Variants in WIPF3 observed in about 807,000 individuals in gnomAD.
WIPF3 encodes WAS/WASL interacting protein family member 3.
In WIPF3, 33 loss-of-function variants were observed where a neutral mutation model predicts 38.9. The ratio of observed to expected loss-of-function variants is 0.85; its 90% CI spans 0.64 to 1.14. The LOEUF is 1.14. Ranked by LOEUF, WIPF3 falls within the 50% of genes most tolerant of loss-of-function variation. WIPF3 has a pLI of 0.00. For synonymous variants in WIPF3, 324 were observed against 269.3 expected (o/e 1.20, Z -1.99); for missense variants, 711 against 652.5 (o/e 1.09, Z -0.98).
intron 2 of WIPF3, among the ~76,000 whole-genome samples, chr7:29,872,083 T>C (rs1785505930): frequency 6.6e-6 from 1 of 152,230 alleles, no homozygotes; most frequent in Non-Finnish European, 1.5e-5. Context: ...CTGTGTGTTT[T>C]TAGTTTTTGG....
chr7:29,882,821 T>C (rs904966336), intron 4 of WIPF3, among the ~76,000 whole-genome samples: 2 of 152,204 alleles, frequency 1.3e-5, no homozygotes, highest in African/African-American at 4.8e-5. Context: ...TTATAAAATA[T>C]AGGGGAAAAC....
intron 1 of WIPF3, among the ~76,000 whole-genome samples, chr7:29,827,026 G>A (rs1252383863): frequency 6.6e-6 from 1 of 152,136 alleles, no homozygotes; most frequent in Non-Finnish European, 1.5e-5. Flanking sequence ...TTAAAAAAGG[G>A]CTAATATATG....
intron 5 of WIPF3, among the ~76,000 whole-genome samples, chr7:29,885,209 C>T (rs1785848457): frequency 6.6e-6 from 1 of 152,190 alleles, no homozygotes; most frequent in South Asian, 2.1e-4. Flanking sequence ...TTCACATATG[C>T]AGCACAGGTT....
At chr7:29,901,645 T>C (rs191193488) in intron 7 of WIPF3, among the ~76,000 whole-genome samples, 45 of 151,036 alleles carry the variant, frequency 3.0e-4, no homozygotes, top group African/African-American at 9.9e-4. Context: ...TGTTTCTATT[T>C]TTCTATTTGA....
At chr7:29,841,560 C>T (rs1784913708) in intron 2 of WIPF3, among the ~76,000 whole-genome samples, 2 of 152,182 alleles carry the variant, frequency 1.3e-5, no homozygotes, top group South Asian at 2.1e-4. Context: ...CCTGTAATCC[C>T]AGCACTTTGG....
At chr7:29,883,215 GC>G (rs1466090436) in intron 4 of WIPF3, among the ~76,000 whole-genome samples, 1 of 152,210 alleles carries the variant, frequency 6.6e-6, no homozygotes, top group Non-Finnish European at 1.5e-5. Context: ...TTGGGAATTA[GC>G]ATAAGTCTTT....
chr7:29,844,477 G>A lies in WIPF3; in HGVS notation c.90+9663G>A, dbSNP rs986605052. ...ACAACAATCCAATGAGGTAGGGACC[G>A]GTAGTGCCATTTTAAGGATGAGAGA... On this transcript the variant is annotated intron_variant, in intron 2 of 8. Transcript: ENST00000242140. The surrounding 1 kb of genome is among the most constrained non-coding windows in gnomAD (Gnocchi z 4.8). 6.6e-6 allele frequency among the ~76,000 whole-genome samples: 1 copy of A among 152,174 alleles called. No individual in the cohort carries two copies. Among genetic ancestry groups the A allele is most frequent in the African/African-American group, 2.4e-5 (1 of 41,434 alleles).
rs576078826 is a variant in WIPF3 at position 29,902,240 on chromosome 7, G to A, written c.1352-2046G>A. Among the ~76,000 whole-genome samples the A allele has an allele frequency of 1.0e-4, 15 of 150,456 alleles. No homozygotes were observed. The East Asian group carries it at 2.9e-3, about 29-fold the overall frequency. On this transcript the variant is annotated intron_variant, in intron 7 of 8. Transcript: ENST00000242140. ...CCCTCTCACATGGAATTAGACAAGG[G>A]GCTGTATATTAGTGTTTTCTTCTTC...
At chr7:29,879,215 C>T in intron 4 of WIPF3, 75 bp downstream of exon 4, 1 of 1,529,506 alleles carries the variant, frequency 6.5e-7, no homozygotes, top group African/African-American at 1.4e-5. Flanking sequence ...GCAATCCACA[C>T]ATGCCAGTAA....
intron 2 of WIPF3, among the ~76,000 whole-genome samples, chr7:29,863,853 G>C (rs1785341680): frequency 6.6e-6 from 1 of 152,084 alleles, no homozygotes; most frequent in South Asian, 2.1e-4. Flanking sequence ...TTAAATTTTT[G>C]ATTTCCAGTT....
chr7:29,845,675 A>G (rs1043476260), intron 2 of WIPF3, among the ~76,000 whole-genome samples: 7 of 152,218 alleles, frequency 4.6e-5, no homozygotes, highest in Admixed American at 2.0e-4. Context: ...ATGTGCCTAG[A>G]TAATGTTGTG....
chr7:29,810,792 A>C (rs1784360861), intron 1 of WIPF3, among the ~76,000 whole-genome samples: 1 of 152,254 alleles, frequency 6.6e-6, no homozygotes, highest in African/African-American at 2.4e-5. Flanking sequence ...ATGATCTTGG[A>C]CAAATTACTT....
At chr7:29,833,865 T>A (rs565437390) in intron 1 of WIPF3, among the ~76,000 whole-genome samples, 1 of 152,338 alleles carries the variant, frequency 6.6e-6, no homozygotes, top group East Asian at 1.9e-4. Flanking sequence ...AGATTTTAAG[T>A]CCTTGCAGTG....
chr7:29,842,991 G>A (rs1186132089), intron 2 of WIPF3, among the ~76,000 whole-genome samples: 1 of 152,238 alleles, frequency 6.6e-6, no homozygotes, highest in African/African-American at 2.4e-5. Context: ...GTGGCCACTG[G>A]AATAAGGATA....
chr7:29,869,320 GCC>G (rs1785452984), intron 2 of WIPF3, among the ~76,000 whole-genome samples: 2 of 152,206 alleles, frequency 1.3e-5, no homozygotes, highest in Admixed American at 1.3e-4. Context: ...GAGCCACTGC[GCC>G]CCACCTGTAT....
rs753104343 is a variant in WIPF3 at position 29,834,772 on chromosome 7, G to A, written c.48G>A (p.Pro16=). 15 of 421,646 alleles carry A rather than the reference G, an allele frequency of 3.6e-5. No individual in the cohort carries two copies. Among genetic ancestry groups the A allele is most frequent in the South Asian group, 4.5e-5 (1 of 22,208 alleles). 26.1% of individuals were successfully genotyped at this position (421,646 alleles called of 1,614,324 possible). A position where few individuals can be genotyped will look rare whatever the true frequency, so the allele number is the denominator to read the frequency against. ...PPPPPLPPPP[P]PLGAPPPPPP... ...CACCTCCTCTGCCTCCACCTCCCCCGCCTCTGGGGGCTCCTCCCCCTCCCC... is the reference window on the plus strand; with the variant it reads ...CACCTCCTCTGCCTCCACCTCCCCCACCTCTGGGGGCTCCTCCCCCTCCCC... The change falls in exon 2 of 9, where the codon CCG becomes CCA. Residue 16 remains proline (P), a synonymous_variant. Coordinates refer to ENST00000242140, the MANE Select transcript of WIPF3 (RefSeq NM_001080529.3).
intron 8 of WIPF3, among the ~76,000 whole-genome samples, chr7:29,907,328 T>A (rs1268972017): frequency 6.6e-6 from 1 of 152,200 alleles, no homozygotes; most frequent in Admixed American, 6.5e-5. Context: ...ACACAGTATA[T>A]AAAGATGTAA....
chr7:29,833,146 G>T (rs1784747564), intron 1 of WIPF3, among the ~76,000 whole-genome samples: 2 of 152,210 alleles, frequency 1.3e-5, no homozygotes, highest in East Asian at 3.9e-4. Context: ...TAGAACAGAG[G>T]TTACTGGGGG....
Position 29,815,454 on chromosome 7 carries a change from A to G in WIPF3, c.-58+8776A>G, listed in dbSNP as rs868301721. Among the ~76,000 whole-genome samples the G allele has an allele frequency of 2.6e-5, 4 of 152,334 alleles. No individual in the cohort carries two copies. The South Asian group carries it at 6.2e-4, about 24-fold the overall frequency. ...TATGCCTTTTGTTGTCCTTCCTGGC[A>G]TGCATGGATGCTCAGTGAGTTTTAA... On this transcript the variant is annotated intron_variant, in intron 1 of 8. Transcript: ENST00000242140.
Sources: allele counts gnomAD v4.1 joint callset (sites outside exome capture counted in the v4.1 genomes callset), GRCh38; gene constraint gnomAD v4.1.1; non-coding constraint Gnocchi (gnomAD v3.1); transcripts MANE v1.5; gene names NCBI Gene and HGNC (gene_info 2026-07-23, HGNC 2026-07-21).